MYL10: variants seen among roughly 807,000 people sequenced by gnomAD.
MYL10 encodes the protein myosin regulatory light chain 10.
Under a neutral mutation model 21.9 loss-of-function variants are expected in MYL10, and 18 were observed. That is an observed-to-expected ratio of 0.82 (90% CI 0.57 to 1.22). The LOEUF is 1.22. Among genes scored for constraint, MYL10 ranks in the 50% most tolerant of loss-of-function variants. MYL10 has a pLI of 0.00. For missense variants in MYL10, 225 were observed against 230.4 expected, an observed-to-expected ratio of 0.98 and a Z score of 0.15; for synonymous variants, 88 against 82.8, an observed-to-expected ratio of 1.06 and a Z score of -0.34.
intron 5 of MYL10, among the ~76,000 whole-genome samples, chr7:101,619,911 A>ATGTCCAC (rs1443210293): frequency 7.0e-6 from 1 of 141,888 alleles, no homozygotes; most frequent in Non-Finnish European, 1.5e-5. Flanking sequence ...AAAAAAAGAT[A>ATGTCCAC]TGTCCACCAG....
At position 101,628,179 on chromosome 7, in the gene MYL10, C is replaced by T. The variant is rs932419840; in HGVS notation, c.78+862G>A. Among the ~76,000 whole-genome samples, 3 of 152,286 alleles carry T rather than the reference C, an allele frequency of 2.0e-5. No individual in the cohort carries two copies. The South Asian group carries it at 6.2e-4, about 32-fold the overall frequency. ...ACAAATAAAAGAAAAATGGGGTGGG[C>T]GCAGTGGCTCACGCCTGTAATCCCA... is the stretch of plus-strand genomic sequence containing the variant. On this transcript the variant is annotated intron_variant, in intron 1 of 7. Coordinates refer to ENST00000223167, the MANE Select transcript of MYL10 (RefSeq NM_138403.5).
At chr7:101,614,966 G>A (rs894159416) in intron 6 of MYL10, among the ~76,000 whole-genome samples, 3 of 152,160 alleles carry the variant, frequency 2.0e-5, no homozygotes, top group Admixed American at 6.5e-5. Context: ...AAGGGACTGC[G>A]TCGGCACAGC....
chr7:101,619,659 G>A (rs889916175), intron 5 of MYL10, among the ~76,000 whole-genome samples: 4 of 152,076 alleles, frequency 2.6e-5, no homozygotes, highest in African/African-American at 9.7e-5. Flanking sequence ...GGAGGCCGAG[G>A]AAGGCGGATC....
At chr7:101,616,383 G>A in intron 5 of MYL10, 85 bp from the exon 6 acceptor site, 1 of 1,108,528 alleles carries the variant, frequency 9.0e-7, no homozygotes, top group Middle Eastern at 2.4e-4. Context: ...AGGGGCTGGG[G>A]CTGGGGGCAA....
Position 101,613,718 on chromosome 7 carries a change from A to G in MYL10, c.534-8T>C, listed in dbSNP as rs748193254. 8.1e-6 allele frequency: 13 copies of G among 1,614,040 alleles called. No individual in the cohort carries two copies. In the Admixed American group the frequency reaches 1.8e-4, roughly 23 times the overall value. ...ATAAGTTTTTCTTTGATGCTGTTCA[A>G]GGGAGAGACACAGTCATGTTCAGGG... is the stretch of plus-strand genomic sequence containing the variant. On this transcript the variant is annotated splice_polypyrimidine_tract_variant and splice_region_variant and intron_variant, in intron 6 of 7. Transcript: ENST00000223167.
At chr7:101,628,307 T>A (rs1037253228) in intron 1 of MYL10, among the ~76,000 whole-genome samples, 2 of 151,934 alleles carry the variant, frequency 1.3e-5, no homozygotes, top group Non-Finnish European at 2.9e-5. Context: ...ATCAAAAAAA[T>A]TAGCCGAGCA....
At chr7:101,622,846 C>A (rs1424475171) in intron 4 of MYL10, 151 bp downstream of exon 4, 1 of 654,044 alleles carries the variant, frequency 1.5e-6, no homozygotes, top group Non-Finnish European at 2.6e-6. Flanking sequence ...GAAGGTCCCC[C>A]CCTGACTTTC....
At chr7:101,619,618 G>C (rs1333325215) in intron 5 of MYL10, among the ~76,000 whole-genome samples, 3 of 152,184 alleles carry the variant, frequency 2.0e-5, no homozygotes, top group Non-Finnish European at 2.9e-5. Context: ...GGCCGGGCAC[G>C]GTGGCTTACG....
At chr7:101,626,099 C>T (rs1796742486) in intron 1 of MYL10, among the ~76,000 whole-genome samples, 1 of 152,240 alleles carries the variant, frequency 6.6e-6, no homozygotes, top group African/African-American at 2.4e-5. Flanking sequence ...CTGAAAGGAA[C>T]ATCTCAGGGA....
At chr7:101,616,188 T>C in intron 6 of MYL10, 32 bp downstream of exon 6, 1 of 1,601,454 alleles carries the variant, frequency 6.2e-7, no homozygotes, top group Non-Finnish European at 8.6e-7. Context: ...CTTATTCCCC[T>C]GAGCATTTTG....
rs376791703 is a variant in MYL10 at position 101,624,203 on chromosome 7, A to G, written c.140T>C (p.Phe47Ser). 5.0e-6 allele frequency: 8 copies of G among 1,613,870 alleles called. No individual in the cohort carries two copies. In the East Asian group the frequency reaches 1.6e-4, roughly 31 times the overall value. The change falls in exon 2 of 8, where the codon TTT becomes TCT. Residue 47 changes from phenylalanine to serine, a missense_variant. Transcript: ENST00000223167. ...AAACTCCTGGATCTGGGACTGATCA[A>G]ACATGGAGAAGACGTTGGAGCTGGC... ...GTASSNVFSM[F>S]DQSQIQEFKE...
Position 101,624,156 on chromosome 7 carries a change from G to A in MYL10, c.171+16C>T, listed in dbSNP as rs772988299. 2.3e-5 allele frequency: 35 copies of A among 1,550,090 alleles called. No homozygotes were observed. The highest frequency in any genetic ancestry group is 6.9e-5 in the Admixed American group (4 of 58,372). Reference sequence around the variant, plus strand: ...CCAAGAATCCTCATAACAGCCCCATGGGGCAGCAGACCAACCTCTTTAAAC... The same window carrying A: ...CCAAGAATCCTCATAACAGCCCCATAGGGCAGCAGACCAACCTCTTTAAAC... On this transcript the variant is annotated intron_variant, in intron 2 of 7. Coordinates refer to ENST00000223167, the MANE Select transcript of MYL10 (RefSeq NM_138403.5).
At chr7:101,621,639 A>G (rs1239538140) in intron 5 of MYL10, among the ~76,000 whole-genome samples, 1 of 151,932 alleles carries the variant, frequency 6.6e-6, no homozygotes, top group Non-Finnish European at 1.5e-5. Flanking sequence ...CCCAGGCTGG[A>G]GTGCAGTGGT....
chr7:101,614,658 C>G (rs1796587817), intron 6 of MYL10, among the ~76,000 whole-genome samples: 1 of 152,112 alleles, frequency 6.6e-6, no homozygotes, highest in African/African-American at 2.4e-5. Flanking sequence ...AGCCACAGAC[C>G]CCGAGGGAGG....
rs116277897 is a variant in MYL10 at position 101,618,486 on chromosome 7, C to G, written c.455-2188G>C. 4.3e-3 allele frequency among the ~76,000 whole-genome samples: 652 copies of G among 152,354 alleles called. 3 individuals are homozygous for G. The highest frequency in any genetic ancestry group is 0.015 in the African/African-American group (625 of 41,584). ...AGCCTATCCCCCTGCGGACAATGCACATGGATTTAGGCACCCAGCGCAGCC... is the reference window on the plus strand; with the variant it reads ...AGCCTATCCCCCTGCGGACAATGCAGATGGATTTAGGCACCCAGCGCAGCC... On this transcript the variant is annotated intron_variant, in intron 5 of 7. Transcript: ENST00000223167.
chr7:101,624,542 C>G lies in MYL10; in HGVS notation c.79-278G>C, dbSNP rs78194533. Among the ~76,000 whole-genome samples, 475 of 152,328 alleles carry G rather than the reference C, an allele frequency of 3.1e-3. 2 individuals are homozygous for G. Among genetic ancestry groups the G allele is most frequent in the African/African-American group, 0.011 (457 of 41,584 alleles). On this transcript the variant is annotated intron_variant, in intron 1 of 7. Transcript: ENST00000223167. ...CTCCGGAAGGTGGGCAGCCGGTGCC[C>G]GTGCTGCAGAACAGAGGCGGGCATC...
intron 6 of MYL10, among the ~76,000 whole-genome samples, chr7:101,615,682 G>A (rs2130735193): frequency 7.1e-6 from 1 of 141,738 alleles, no homozygotes; most frequent in South Asian, 2.4e-4. Context: ...CTCCTGGAGT[G>A]ACCCACCACT....
chr7:101,622,249 T>G, intron 4 of MYL10, 49 bp from the exon 5 acceptor site: 1 of 1,450,530 alleles, frequency 6.9e-7, no homozygotes, highest in Admixed American at 1.9e-5. Context: ...AGATCAGAGC[T>G]TGGGCCTCGG....
In MYL10 at chr7:101,624,278, G is replaced by A. The variant is rs1418473810; in HGVS notation, c.79-14C>T. On this transcript the variant is annotated splice_polypyrimidine_tract_variant and intron_variant, in intron 1 of 7. Coordinates refer to ENST00000223167, the MANE Select transcript of MYL10 (RefSeq NM_138403.5). Reference sequence around the variant, plus strand: ...TCTTCTCGGTGCCTGCGAGGTAGCAGACAAGGCCTTGCAGCGGCCCCTGCC... The same window carrying A: ...TCTTCTCGGTGCCTGCGAGGTAGCAAACAAGGCCTTGCAGCGGCCCCTGCC... 1 of 1,607,792 alleles carries A rather than the reference G, an allele frequency of 6.2e-7. No homozygotes were observed. Among genetic ancestry groups the A allele is most frequent in the South Asian group, 1.1e-5 (1 of 90,888 alleles).
Sources: allele counts gnomAD v4.1 joint callset (sites outside exome capture counted in the v4.1 genomes callset), GRCh38; gene constraint gnomAD v4.1.1; transcripts MANE v1.5; gene names NCBI Gene and HGNC (gene_info 2026-07-23, HGNC 2026-07-21).